Variants in MBD5 observed in about 807,000 individuals in gnomAD.
MBD5 encodes methyl-CpG binding domain protein 5, also known as methyl-CpG-binding domain protein 5.
MBD5 carries 13 observed loss-of-function variants against 117.3 expected under a neutral mutation model. The observed-to-expected ratio is 0.11, with a 90% confidence interval of 0.07 to 0.18. The LOEUF (loss-of-function observed/expected upper bound fraction) is 0.18, where lower values mean the gene tolerates loss of function less well. Ranked by LOEUF, MBD5 falls within the 10% of genes least tolerant of loss-of-function variation. MBD5 has a pLI of 1.00. For synonymous variants in MBD5, 727 were observed against 766.4 expected (o/e 0.95, Z 0.85); for missense variants, 1,879 against 2,093.8 (o/e 0.90, Z 2.00).
At chr2:148,261,355 A>G (rs75147189) in intron 3 of MBD5, among the ~76,000 whole-genome samples, 2,872 of 152,322 alleles carry the variant, frequency 0.019, 90 homozygotes, top group African/African-American at 0.065. Context: ...TTGTTCATCA[A>G]TGATCTTAGC....
intron 2 of MBD5, among the ~76,000 whole-genome samples, chr2:148,228,110 C>T (rs993551807): frequency 3.9e-5 from 6 of 152,296 alleles, no homozygotes; most frequent in East Asian, 1.9e-4. Flanking sequence ...ATTTCCTTCT[C>T]CTGCCTGATT....
At chr2:148,116,142 C>T (rs1382615612) in intron 1 of MBD5, among the ~76,000 whole-genome samples, 1 of 152,018 alleles carries the variant, frequency 6.6e-6, no homozygotes, top group Non-Finnish European at 1.5e-5. Flanking sequence ...CTGCACCTGG[C>T]CCCATTTTCT....
chr2:148,364,785 G>A (rs1357538578), intron 4 of MBD5, among the ~76,000 whole-genome samples: 1 of 152,174 alleles, frequency 6.6e-6, no homozygotes. Context: ...GCAACAAGAA[G>A]AGCTAACTAT....
intron 3 of MBD5, among the ~76,000 whole-genome samples, chr2:148,244,921 A>C (rs1700301325): frequency 6.6e-6 from 1 of 152,198 alleles, no homozygotes; most frequent in Non-Finnish European, 1.5e-5. Flanking sequence ...AAGTTACTAC[A>C]TTCAAGCCTA....
At chr2:148,148,342 G>C (rs565005641) in intron 1 of MBD5, among the ~76,000 whole-genome samples, 1 of 152,306 alleles carries the variant, frequency 6.6e-6, no homozygotes, top group Non-Finnish European at 1.5e-5. Flanking sequence ...CCATAATAGT[G>C]AAGCTTTTGG....
chr2:148,179,992 A>G (rs1698484581), intron 2 of MBD5, among the ~76,000 whole-genome samples: 1 of 152,136 alleles, frequency 6.6e-6, no homozygotes, highest in Non-Finnish European at 1.5e-5. Context: ...ACTTAAGCCA[A>G]GTAAAACAGT....
At chr2:148,338,888 T>C (rs1702868721) in intron 3 of MBD5, among the ~76,000 whole-genome samples, 1 of 152,176 alleles carries the variant, frequency 6.6e-6, no homozygotes. Flanking sequence ...TGTGGCAAAC[T>C]GAATTGTATG....
At chr2:148,144,106 C>T (rs1483931209) in intron 1 of MBD5, among the ~76,000 whole-genome samples, 1 of 152,164 alleles carries the variant, frequency 6.6e-6, no homozygotes, top group Non-Finnish European at 1.5e-5. Context: ...TCTCTAGCAC[C>T]TGTTGTTTCC....
chr2:148,315,464 T>C (rs1252152412), intron 3 of MBD5, among the ~76,000 whole-genome samples: 1 of 152,226 alleles, frequency 6.6e-6, no homozygotes, highest in South Asian at 2.1e-4. Context: ...CACTTAATTC[T>C]TCAAATGTTC....
chr2:148,361,465 A>G (rs929442192), intron 4 of MBD5, among the ~76,000 whole-genome samples: 1 of 152,178 alleles, frequency 6.6e-6, no homozygotes, highest in African/African-American at 2.4e-5. Context: ...AGTATTTCCA[A>G]ACAGAAATCT....
intron 2 of MBD5, among the ~76,000 whole-genome samples, chr2:148,203,681 G>A (rs1234675538): frequency 6.6e-6 from 1 of 152,178 alleles, no homozygotes; most frequent in African/African-American, 2.4e-5. Flanking sequence ...TACTTCCTAT[G>A]AGGATGGCTT....
intron 12 of MBD5, among the ~76,000 whole-genome samples, chr2:148,508,409 A>T (rs1313576306): frequency 2.0e-5 from 3 of 151,438 alleles, no homozygotes; most frequent in African/African-American, 7.3e-5. Flanking sequence ...GTGTGTGTTT[A>T]AAAAAAAACA....
At chr2:148,158,979 C>T (rs1697939888) in intron 1 of MBD5, among the ~76,000 whole-genome samples, 1 of 152,240 alleles carries the variant, frequency 6.6e-6, no homozygotes, top group Admixed American at 6.5e-5. Flanking sequence ...GCCTTGGCCT[C>T]CCAAAGTGCT....
chr2:148,462,554 C>T (rs376835766), intron 5 of MBD5, 28 bp from the exon 6 acceptor site: 1 of 1,373,492 alleles, frequency 7.3e-7, no homozygotes, highest in Non-Finnish European at 1.0e-6. Context: ...AAATTATTTC[C>T]TGATGTTTTT....
chr2:148,121,129 C>T (rs191523582), intron 1 of MBD5, among the ~76,000 whole-genome samples: 283 of 152,254 alleles, frequency 1.9e-3, no homozygotes, highest in Non-Finnish European at 3.2e-3. Flanking sequence ...TTAAATTGGA[C>T]AACTTTAACT....
intron 4 of MBD5, among the ~76,000 whole-genome samples, chr2:148,365,863 C>G (rs2105334064): frequency 6.6e-6 from 1 of 151,848 alleles, no homozygotes; most frequent in South Asian, 2.1e-4. Flanking sequence ...AAACCCCAGA[C>G]CAGATGGATG....
chr2:148,414,806 T>C (rs1325944466), intron 4 of MBD5, among the ~76,000 whole-genome samples: 3 of 152,194 alleles, frequency 2.0e-5, no homozygotes, highest in Non-Finnish European at 4.4e-5. Flanking sequence ...TGTTTTCTAA[T>C]ATCTTGGTAG....
chr2:148,174,850 T>C (rs60850392), intron 1 of MBD5, among the ~76,000 whole-genome samples: 13,559 of 151,926 alleles, frequency 0.089, 659 homozygotes, highest in South Asian at 0.14. Context: ...CTTTGTACAC[T>C]GTTGGTGGAA....
intron 1 of MBD5, among the ~76,000 whole-genome samples, chr2:148,158,808 C>T (rs1697933516): frequency 6.6e-6 from 1 of 152,246 alleles, no homozygotes; most frequent in Non-Finnish European, 1.5e-5. Context: ...CAAGCTCCGC[C>T]TCCCGGGTTC....
Sources: allele counts gnomAD v4.1 joint callset (sites outside exome capture counted in the v4.1 genomes callset), GRCh38; gene constraint gnomAD v4.1.1; transcripts MANE v1.5; gene names NCBI Gene and HGNC (gene_info 2026-07-23, HGNC 2026-07-21).